ST7: variants seen among roughly 807,000 people sequenced by gnomAD.
ST7 encodes the protein suppression of tumorigenicity 7.
Under a neutral mutation model 78.7 loss-of-function variants are expected in ST7, and 28 were observed. The observed-to-expected ratio is 0.36, with a 90% CI of 0.26 to 0.49. The LOEUF is 0.49. Among genes scored for constraint, ST7 ranks in the 20% least tolerant of loss-of-function variants. The pLI is 0.99. For missense variants in ST7, 418 were observed against 696.0 expected, an observed-to-expected ratio of 0.60 and a Z score of 4.49; for synonymous variants, 247 against 249.6, an observed-to-expected ratio of 0.99 and a Z score of 0.10.
intron 1 of ST7, among the ~76,000 whole-genome samples, chr7:117,056,775 A>C (rs1798086207): frequency 6.6e-6 from 1 of 152,204 alleles, no homozygotes; most frequent in Non-Finnish European, 1.5e-5. Flanking sequence ...AAGCTGAGTA[A>C]AATTTTACTA....
At chr7:117,092,840 C>G (rs1310322390) in intron 1 of ST7, among the ~76,000 whole-genome samples, 116 of 152,202 alleles carry the variant, frequency 7.6e-4, no homozygotes, top group Non-Finnish European at 1.8e-4. Flanking sequence ...CTTAATCCAC[C>G]CTGATAGCCC....
chr7:117,005,458 C>T (rs1795118603), intron 1 of ST7, among the ~76,000 whole-genome samples: 1 of 152,120 alleles, frequency 6.6e-6, no homozygotes, highest in Admixed American at 6.5e-5. Context: ...TTCCTCTCTG[C>T]CTTCATATTG....
At chr7:117,207,958 C>A (rs1338137015) in intron 12 of ST7, among the ~76,000 whole-genome samples, 6 of 151,938 alleles carry the variant, frequency 3.9e-5, no homozygotes, top group Non-Finnish European at 7.4e-5. Context: ...GACTCGTAGC[C>A]TCGGGGTCCT....
At chr7:117,209,277 C>CCCTT (rs1209450627) in intron 12 of ST7, among the ~76,000 whole-genome samples, 1 of 152,130 alleles carries the variant, frequency 6.6e-6, no homozygotes, top group African/African-American at 2.4e-5. Context: ...CTGGCTGCCA[C>CCCTT]CCTTCCTCCC....
chr7:117,005,522 G>A (rs893629273), intron 1 of ST7, among the ~76,000 whole-genome samples: 2 of 152,114 alleles, frequency 1.3e-5, no homozygotes, highest in African/African-American at 4.8e-5. Flanking sequence ...ATGTGTGTCA[G>A]GTTTTAATGA....
chr7:116,962,449 A>G (rs929819306), intron 1 of ST7, among the ~76,000 whole-genome samples: 13 of 152,164 alleles, frequency 8.5e-5, no homozygotes, highest in African/African-American at 1.4e-4. Context: ...ACCAGCATCT[A>G]TGGTTTCCTG....
intron 13 of ST7, among the ~76,000 whole-genome samples, chr7:117,213,088 T>A (rs1474466303): frequency 6.6e-6 from 1 of 152,192 alleles, no homozygotes; most frequent in African/African-American, 2.4e-5. Context: ...CCACCCCAGA[T>A]TGGTGACTTC....
chr7:117,036,975 T>A (rs971012798), intron 1 of ST7, among the ~76,000 whole-genome samples: 1 of 152,132 alleles, frequency 6.6e-6, no homozygotes, highest in Admixed American at 6.5e-5. Context: ...CCTAATAAGC[T>A]TCCTCCTTCT....
At chr7:117,086,978 C>T (rs1171855128) in intron 1 of ST7, among the ~76,000 whole-genome samples, 1 of 152,186 alleles carries the variant, frequency 6.6e-6, no homozygotes, top group East Asian at 1.9e-4. Flanking sequence ...CCTGTGGCTT[C>T]TTATCTCCGT....
At chr7:116,985,575 G>C (rs1419224778) in intron 1 of ST7, among the ~76,000 whole-genome samples, 2 of 152,086 alleles carry the variant, frequency 1.3e-5, no homozygotes, top group African/African-American at 2.4e-5. Flanking sequence ...CAAATTCAAC[G>C]TGCCTCACAT....
chr7:117,042,651 T>G (rs1233953702), intron 1 of ST7, among the ~76,000 whole-genome samples: 1 of 152,176 alleles, frequency 6.6e-6, no homozygotes, highest in Non-Finnish European at 1.5e-5. Flanking sequence ...TCTTCACTCT[T>G]GTAGACATTT....
chr7:117,211,983 T>C (rs1290073643), intron 13 of ST7, among the ~76,000 whole-genome samples: 3 of 152,182 alleles, frequency 2.0e-5, no homozygotes. Flanking sequence ...AATTCTGCAG[T>C]TGATCCTTAC....
chr7:117,209,792 A>G lies in ST7; in HGVS notation c.1260A>G (p.Leu420=), dbSNP rs893793651. Residue 420 remains leucine (L), a synonymous_variant, in exon 13 of 16, where the codon CTA becomes CTG. Transcript: ENST00000323984. ...GTCCTGCTTTTTTATTTCAGTACCT[A>G]CTAGAAATGAAAAGCTTAATCCTAC... The part of the protein sequence containing the change: ...VEFNPHVPKY[L]LEMKSLILPP... 8.1e-6 allele frequency: 13 copies of G among 1,613,264 alleles called. No individual in the cohort carries two copies. Among genetic ancestry groups the G allele is most frequent in the Non-Finnish European group, 1.1e-5 (13 of 1,179,770 alleles).
intron 12 of ST7, among the ~76,000 whole-genome samples, chr7:117,205,208 T>G (rs1252059349): frequency 1.5e-5 from 2 of 137,068 alleles, no homozygotes; most frequent in Non-Finnish European, 2.9e-5. Context: ...TACCTATACC[T>G]TTTTTTGTCA....
rs768020206 is a variant in ST7, at chr7:117,136,185, G to A, written c.815G>A (p.Arg272Gln). 4.3e-6 allele frequency: 7 copies of A among 1,613,578 alleles called. No individual in the cohort carries two copies. Among genetic ancestry groups the A allele is most frequent in the East Asian group, 2.2e-5 (1 of 44,866 alleles). Residue 272 changes from arginine (R) to glutamine (Q), a missense_variant, in exon 8 of 16, where the codon CGA (arginine) becomes CAA (glutamine). Physicochemically the swap from Arg to Gln is conservative, Grantham distance 43. Coordinates refer to ENST00000323984, the MANE Select transcript of ST7 (RefSeq NM_001369598.1). The part of the protein sequence containing the change: ...QALKAGDGCY[R>Q]RSQQLQHHGS... Reference sequence around the variant, plus strand: ...CTGAAGGCTGGAGATGGCTGTTACCGACGCTCTCAGCAGCTACAACATCAT... The same window carrying A: ...CTGAAGGCTGGAGATGGCTGTTACCAACGCTCTCAGCAGCTACAACATCAT...
intron 1 of ST7, among the ~76,000 whole-genome samples, chr7:117,026,539 A>T (rs1174526501): frequency 6.6e-6 from 1 of 152,254 alleles, no homozygotes; most frequent in East Asian, 1.9e-4. Context: ...TCAGATACTT[A>T]TGAGCAAAAA....
intron 8 of ST7, chr7:117,137,096 C>T (rs1043473801): frequency 6.6e-6 from 1 of 152,116 alleles, no homozygotes; most frequent in Admixed American, 6.6e-5. Context: ...CTTAGTTTCT[C>T]CCTCCTGAAA....
At chr7:117,158,436 G>A (rs558895972) in intron 9 of ST7, among the ~76,000 whole-genome samples, 71 of 152,266 alleles carry the variant, frequency 4.7e-4, no homozygotes, top group African/African-American at 1.6e-3. Flanking sequence ...TGAGTCTTTG[G>A]GAGATACAAA....
At chr7:117,225,306 G>A (rs962950699) in intron 15 of ST7, among the ~76,000 whole-genome samples, 3 of 152,078 alleles carry the variant, frequency 2.0e-5, no homozygotes, top group African/African-American at 7.2e-5. Context: ...TGCCTTTAGG[G>A]TCCTCATATT....
Sources: allele counts gnomAD v4.1 joint callset (sites outside exome capture counted in the v4.1 genomes callset), GRCh38; gene constraint gnomAD v4.1.1; transcripts MANE v1.5; gene names NCBI Gene and HGNC (gene_info 2026-07-23, HGNC 2026-07-21).